The following SPATA16 variants were observed in gnomAD, a reference collection of about 807,000 sequenced individuals.
SPATA16 encodes spermatogenesis-associated protein 16.
SPATA16 carries 36 observed loss-of-function variants against 63.3 expected under a neutral mutation model. The ratio of observed to expected loss-of-function variants is 0.57; its 90% CI spans 0.44 to 0.75. The LOEUF (loss-of-function observed/expected upper bound fraction) is 0.75, where lower values mean the gene tolerates loss of function less well. SPATA16 is among the 30% of genes least tolerant of loss of function. The pLI is 0.00. For missense variants in SPATA16, 646 were observed against 679.3 expected (o/e 0.95, Z 0.54); for synonymous variants, 203 against 216.7 (o/e 0.94, Z 0.56).
Position 172,927,066 on chromosome 3 carries a change from G to T in SPATA16, c.1082-1574C>A, listed in dbSNP as rs976625662. On this transcript the variant is annotated intron_variant, in intron 6 of 10. Coordinates refer to ENST00000351008, the MANE Select transcript of SPATA16 (RefSeq NM_031955.6). ...AAAAATAAAATAGTACACCACGAGT[G>T]TTTTTTTTAACACCATTCCCCTTTT... Among the ~76,000 whole-genome samples, 14 of 152,022 alleles carry T rather than the reference G, an allele frequency of 9.2e-5. 1 individual carries two copies. Among genetic ancestry groups the T allele is most frequent in the African/African-American group, 2.4e-4 (10 of 41,486 alleles).
In SPATA16 at chr3:172,916,326, C is replaced by A. The variant is rs763571375; in HGVS notation, c.1494G>T (p.Glu498Asp). 2.5e-6 allele frequency: 4 copies of A among 1,613,358 alleles called. No homozygotes were observed. In the East Asian group the frequency reaches 8.9e-5, roughly 36 times the overall value. The change falls in exon 9 of 11, where the codon GAG becomes GAT. Residue 498 changes from glutamate to aspartate, a missense_variant. By Grantham distance (45) the Glu-to-Asp change is conservative. Coordinates refer to ENST00000351008, the MANE Select transcript of SPATA16 (RefSeq NM_031955.6). ...IPYLQDISQQ[E>D]AELLQSLMAD... ...AAAGAAAAATACTTACCAATTCTGC[C>A]TCCTGTTGACTGATGTCCTGTAGGT...
intron 6 of SPATA16, among the ~76,000 whole-genome samples, chr3:172,926,206 G>A (rs1194024864): frequency 2.0e-5 from 3 of 152,098 alleles, no homozygotes; most frequent in Non-Finnish European, 2.9e-5. Context: ...AAAATTACAA[G>A]TGAGAATTAA....
At chr3:172,911,136 T>A (rs2109559051) in intron 10 of SPATA16, among the ~76,000 whole-genome samples, 1 of 152,322 alleles carries the variant, frequency 6.6e-6, no homozygotes, top group Non-Finnish European at 1.5e-5. Context: ...CCTGGGAGTA[T>A]CTCTTCAACA....
At chr3:173,053,878 G>C (rs1292264289) in intron 2 of SPATA16, among the ~76,000 whole-genome samples, 1 of 152,032 alleles carries the variant, frequency 6.6e-6, no homozygotes, top group Non-Finnish European at 1.5e-5. Flanking sequence ...AAAATCTAAA[G>C]ATGGGGAGAA....
chr3:172,908,889 A>ATT (rs913801368), intron 10 of SPATA16, among the ~76,000 whole-genome samples: 6 of 152,034 alleles, frequency 3.9e-5, no homozygotes, highest in African/African-American at 1.2e-4. Context: ...ACTCTGTAGC[A>ATT]GTAAAAGGAA....
intron 10 of SPATA16, among the ~76,000 whole-genome samples, chr3:172,895,725 A>T (rs1323499411): frequency 6.6e-6 from 1 of 152,178 alleles, no homozygotes; most frequent in Non-Finnish European, 1.5e-5. Flanking sequence ...ATGGAGATTT[A>T]TTCAGGTTGT....
chr3:172,960,974 T>A (rs1452710932), intron 5 of SPATA16, among the ~76,000 whole-genome samples: 1 of 149,500 alleles, frequency 6.7e-6, no homozygotes, highest in Non-Finnish European at 1.5e-5. Flanking sequence ...TCTCTTTCTT[T>A]TTCTCTTTCT....
At chr3:173,099,897 CT>C (rs1215417623) in intron 2 of SPATA16, among the ~76,000 whole-genome samples, 1 of 152,166 alleles carries the variant, frequency 6.6e-6, no homozygotes, top group Non-Finnish European at 1.5e-5. Flanking sequence ...TCATTTTAAT[CT>C]TTTCATATTT....
intron 2 of SPATA16, among the ~76,000 whole-genome samples, chr3:173,110,795 C>T (rs1363146789): frequency 6.6e-6 from 1 of 152,186 alleles, no homozygotes. Flanking sequence ...CGGCCACTTA[C>T]GACTACGTGA....
At chr3:173,072,873 T>C (rs970460442) in intron 2 of SPATA16, among the ~76,000 whole-genome samples, 5 of 152,138 alleles carry the variant, frequency 3.3e-5, no homozygotes, top group African/African-American at 1.2e-4. Flanking sequence ...GACTAGAAAA[T>C]GTAAGAAAAT....
At chr3:173,035,244 T>C (rs933209598) in intron 3 of SPATA16, among the ~76,000 whole-genome samples, 1 of 152,114 alleles carries the variant, frequency 6.6e-6, no homozygotes, top group African/African-American at 2.4e-5. Flanking sequence ...AGTTAAACTG[T>C]GCGATGCTTG....
chr3:173,104,645 C>A (rs748561781), intron 2 of SPATA16, among the ~76,000 whole-genome samples: 1 of 152,130 alleles, frequency 6.6e-6, no homozygotes. Flanking sequence ...AGCCATGACC[C>A]AAACACCTCC....
chr3:172,921,313 C>T (rs1472951778), intron 8 of SPATA16, among the ~76,000 whole-genome samples: 1 of 152,146 alleles, frequency 6.6e-6, no homozygotes, highest in African/African-American at 2.4e-5. Flanking sequence ...ACTGAAAAAT[C>T]TAAAATTCTT....
Position 173,057,118 on chromosome 3 carries a change from T to TC in SPATA16, c.613-8025_613-8024insG, listed in dbSNP as rs201653480. 1.7e-4 allele frequency among the ~76,000 whole-genome samples: 25 copies of TC among 150,228 alleles called. No individual in the cohort carries two copies. The East Asian group carries it at 4.7e-3, about 28-fold the overall frequency. On this transcript the variant is annotated intron_variant, in intron 2 of 10. Transcript: ENST00000351008. Reference sequence around the variant, plus strand: ...GTATTTTCTTTTCTTTTCTTTTCTTTTTTTTTTTTTTGAGGCAGATTCTCG... The same window carrying TC: ...GTATTTTCTTTTCTTTTCTTTTCTTTCTTTTTTTTTTTGAGGCAGATTCTCG...
chr3:173,136,384 AG>A lies in SPATA16; in HGVS notation c.-19+4718del, dbSNP rs141984182. The stretch of plus-strand genomic sequence containing the variant: ...TTTTTATTATTTGTGGGGACATAGT[AG>A]GTATATATATTTATGGGGTACATGA... On this transcript the variant is annotated intron_variant, in intron 1 of 10. Coordinates refer to ENST00000351008, the MANE Select transcript of SPATA16 (RefSeq NM_031955.6). Among the ~76,000 whole-genome samples, 724 of 152,186 alleles carry A rather than the reference AG, an allele frequency of 4.8e-3. 6 individuals carry two copies. The highest frequency in any genetic ancestry group is 0.017 in the African/African-American group (692 of 41,502).
intron 4 of SPATA16, among the ~76,000 whole-genome samples, chr3:172,983,943 G>T (rs186135292): frequency 6.6e-6 from 1 of 151,168 alleles, no homozygotes; most frequent in Non-Finnish European, 1.5e-5. Context: ...TCCAGTCAAG[G>T]CCCCACCCCC....
At chr3:172,998,273 A>T (rs146364015) in intron 4 of SPATA16, among the ~76,000 whole-genome samples, 12 of 152,062 alleles carry the variant, frequency 7.9e-5, no homozygotes, top group Admixed American at 2.6e-4. Context: ...TTTATATCTA[A>T]GTATTTTATT....
intron 4 of SPATA16, among the ~76,000 whole-genome samples, chr3:173,010,252 C>T (rs1038666711): frequency 6.6e-6 from 1 of 152,184 alleles, no homozygotes; most frequent in Non-Finnish European, 1.5e-5. Flanking sequence ...TTGTGCCCCC[C>T]TCTGTTGCCC....
intron 10 of SPATA16, among the ~76,000 whole-genome samples, chr3:172,900,591 T>C (rs1185118484): frequency 6.6e-6 from 1 of 152,168 alleles, no homozygotes; most frequent in Non-Finnish European, 1.5e-5. Context: ...GCCTTTTTTT[T>C]ACAGTTTATT....
Sources: allele counts gnomAD v4.1 joint callset (sites outside exome capture counted in the v4.1 genomes callset), GRCh38; gene constraint gnomAD v4.1.1; transcripts MANE v1.5; gene names NCBI Gene and HGNC (gene_info 2026-07-23, HGNC 2026-07-21).